The following DOT1L variants were observed in gnomAD, a reference collection of about 807,000 sequenced individuals.
The protein encoded by DOT1L is DOT1 like histone lysine methyltransferase, also known as histone-lysine N-methyltransferase, H3 lysine-79 specific.
DOT1L carries 33 observed loss-of-function variants against 153.3 expected under a neutral mutation model. The observed-to-expected ratio is 0.22, with a 90% CI of 0.16 to 0.29. The LOEUF (loss-of-function observed/expected upper bound fraction) is 0.29. Ranked by LOEUF, DOT1L falls within the 10% of genes least tolerant of loss-of-function variation. The pLI is 1.00. For missense variants in DOT1L, 1,847 were observed against 2,119.9 expected (o/e 0.87, Z 2.53); for synonymous variants, 1,135 against 965.1 (o/e 1.18, Z -3.26).
At position 2,197,244 on chromosome 19, in the gene DOT1L, T is replaced by C. The variant is rs2023061470; in HGVS notation, c.652-2640T>C. Reference sequence around the variant, plus strand: ...CTCTCCTTCCCTTTCTCATGGTGATTGTTCCCAAATGCTGTGCCCACAGTG... The same window carrying C: ...CTCTCCTTCCCTTTCTCATGGTGATCGTTCCCAAATGCTGTGCCCACAGTG... On this transcript the variant is annotated intron_variant, in intron 7 of 27. Transcript: ENST00000398665. The surrounding 1 kb of genome is among the most constrained non-coding windows in gnomAD (Gnocchi z 4.1). 6.6e-6 allele frequency among the ~76,000 whole-genome samples: 1 copy of C among 152,176 alleles called. No individual in the cohort carries two copies. Among genetic ancestry groups the C allele is most frequent in the African/African-American group, 2.4e-5 (1 of 41,430 alleles).
chr19:2,171,097 G>A (rs1568325868), intron 1 of DOT1L, among the ~76,000 whole-genome samples: 2 of 152,162 alleles, frequency 1.3e-5, no homozygotes, highest in Non-Finnish European at 2.9e-5. Flanking sequence ...TGAGTAGCTG[G>A]GATTACAGGC....
chr19:2,194,590 G>A lies in DOT1L; in HGVS notation c.651+13G>A, dbSNP rs753282560. ...TGCAGAATACACAGTGAGTGCCATC[G>A]CTCCGCCCCGGCTCCCATCGCCGGC... On this transcript the variant is annotated intron_variant, in intron 7 of 27. Transcript: ENST00000398665. 1.9e-6 allele frequency: 3 copies of A among 1,609,306 alleles called. No individual in the cohort carries two copies. Among genetic ancestry groups the A allele is most frequent in the African/African-American group, 2.7e-5 (2 of 74,846 alleles).
At chr19:2,164,744 G>A (rs1483258297) in intron 1 of DOT1L, among the ~76,000 whole-genome samples, 2 of 152,174 alleles carry the variant, frequency 1.3e-5, no homozygotes, top group Admixed American at 1.3e-4. Flanking sequence ...CCGACCCTGC[G>A]AAGGTGGGAG....
rs75787570 is a variant in DOT1L at position 2,208,538 on chromosome 19, C to T, written c.964-397C>T. On this transcript the variant is annotated intron_variant, in intron 11 of 27. Transcript: ENST00000398665. This position sits in a 1 kb window ranked among gnomAD's most constrained non-coding sequence, Gnocchi z 4.4. ...GCTTGGCCTACCGTGCGGCCCCCACCTCCACGCAGTGCTGCTGCTTCAGCT... is the reference window on the plus strand; with the variant it reads ...GCTTGGCCTACCGTGCGGCCCCCACTTCCACGCAGTGCTGCTGCTTCAGCT... Among the ~76,000 whole-genome samples the T allele has an allele frequency of 0.035, 5,298 of 152,276 alleles. 290 individuals carry two copies. The highest frequency in any genetic ancestry group is 0.12 in the African/African-American group (4,914 of 41,530).
intron 3 of DOT1L, 63 bp from the exon 4 acceptor site, chr19:2,189,669 C>A: frequency 1.9e-6 from 3 of 1,574,342 alleles, no homozygotes; most frequent in Non-Finnish European, 2.6e-6. Flanking sequence ...CACATGCTGT[C>A]CCCTCCCATG....
intron 9 of DOT1L, among the ~76,000 whole-genome samples, chr19:2,205,120 G>A (rs1382495567): frequency 1.3e-5 from 2 of 151,780 alleles, no homozygotes; most frequent in African/African-American, 4.8e-5. Flanking sequence ...ACAGGCGCCC[G>A]CCACCACACC....
chr19:2,228,508 A>T, intron 27 of DOT1L: 1 of 1,171,656 alleles, frequency 8.5e-7, no homozygotes. Context: ...GGAGAGAGCC[A>T]GGGAGACCAG....
chr19:2,185,519 A>T (rs2022455543), intron 2 of DOT1L, among the ~76,000 whole-genome samples: 1 of 152,210 alleles, frequency 6.6e-6, no homozygotes, highest in Admixed American at 6.5e-5. Flanking sequence ...CTGTCATCCC[A>T]GCACTGTGGG....
chr19:2,201,400 G>A (rs943608526), intron 8 of DOT1L, among the ~76,000 whole-genome samples: 2 of 151,858 alleles, frequency 1.3e-5, no homozygotes, highest in Admixed American at 6.6e-5. Context: ...CATGCCTCTC[G>A]TCCTCCCCGC....
chr19:2,209,535 G>A (rs977267244), intron 12 of DOT1L, among the ~76,000 whole-genome samples: 2 of 152,198 alleles, frequency 1.3e-5, no homozygotes, highest in African/African-American at 4.8e-5. Flanking sequence ...CTGGGCCCCC[G>A]CGCCCTGCAC....
intron 14 of DOT1L, 42 bp from the exon 15 acceptor site, chr19:2,211,057 C>A (rs1450987297): frequency 1.3e-6 from 2 of 1,586,518 alleles, no homozygotes; most frequent in Non-Finnish European, 1.7e-6. Flanking sequence ...CCACCGCTCT[C>A]CCGACCCGCC....
chr19:2,209,285 C>G (rs2023621877), intron 12 of DOT1L, among the ~76,000 whole-genome samples: 2 of 152,214 alleles, frequency 1.3e-5, no homozygotes. Flanking sequence ...CCCACCCTCT[C>G]TCTGTCTCTT....
At position 2,204,271 on chromosome 19, in the gene DOT1L, G is replaced by A. The variant is rs1834966746; in HGVS notation, c.787+1492G>A. Among the ~76,000 whole-genome samples the A allele has an allele frequency of 6.6e-6, 1 of 151,980 alleles. No homozygotes were observed. The highest frequency in any genetic ancestry group is 6.6e-5 in the Admixed American group (1 of 15,252). ...CGTGCCCGTGTGCCTCCGTGTCTATGTATGTGTCTGCTTGTTTGTCTGTGT... is the reference window on the plus strand; with the variant it reads ...CGTGCCCGTGTGCCTCCGTGTCTATATATGTGTCTGCTTGTTTGTCTGTGT... On this transcript the variant is annotated intron_variant, in intron 9 of 27. Transcript: ENST00000398665. This position sits in a 1 kb window ranked among gnomAD's most constrained non-coding sequence, Gnocchi z 5.7.
At chr19:2,218,025 A>C in intron 22 of DOT1L, 107 bp downstream of exon 22, 1 of 1,462,238 alleles carries the variant, frequency 6.8e-7, no homozygotes, top group Non-Finnish European at 9.1e-7. Flanking sequence ...TAAAATGTCG[A>C]GCGTGAGGCA....
At chr19:2,180,822 C>T in intron 2 of DOT1L, 66 bp downstream of exon 2, 5 of 1,587,160 alleles carry the variant, frequency 3.2e-6, no homozygotes, top group Non-Finnish European at 3.4e-6. Context: ...CACCCGTGCC[C>T]TGCAGATTCT....
rs1318623019 is a variant in DOT1L, at chr19:2,204,582, G to A, written c.787+1803G>A. Among the ~76,000 whole-genome samples, 2 of 152,128 alleles carry A rather than the reference G, an allele frequency of 1.3e-5. No individual in the cohort carries two copies. Among genetic ancestry groups the A allele is most frequent in the Non-Finnish European group, 2.9e-5 (2 of 68,014 alleles). ...AGAACGCCTCTTCTGGCTGTTTCTC[G>A]CCAGCTTTCTCTGCACGATCAGACG... is the stretch of plus-strand genomic sequence containing the variant. On this transcript the variant is annotated intron_variant, in intron 9 of 27. Coordinates refer to ENST00000398665, the MANE Select transcript of DOT1L (RefSeq NM_032482.3). This position sits in a 1 kb window ranked among gnomAD's most constrained non-coding sequence, Gnocchi z 5.7.
intron 3 of DOT1L, among the ~76,000 whole-genome samples, chr19:2,189,028 C>T (rs1448025568): frequency 1.3e-5 from 2 of 152,200 alleles, no homozygotes; most frequent in East Asian, 1.9e-4. Context: ...GTTTGCCTTG[C>T]GGCCAGGGCA....
In DOT1L at chr19:2,220,974, G is replaced by C. The variant is rs1487453335; in HGVS notation, c.2806+752G>C. On this transcript the variant is annotated intron_variant, in intron 23 of 27. Transcript: ENST00000398665. This position sits in a 1 kb window ranked among gnomAD's most constrained non-coding sequence, Gnocchi z 4.5. ...GCGGATCACCTGAGGACAGGAGTTT[G>C]AGACCAGCCTGGCCAACATGGTGAA... 1 of 189,472 alleles carries C rather than the reference G, an allele frequency of 5.3e-6. No individual in the cohort carries two copies. Among genetic ancestry groups the C allele is most frequent in the African/African-American group, 2.4e-5 (1 of 42,166 alleles). The allele number at this position is 189,472 out of a possible 1,614,324, so 11.7% of individuals were successfully genotyped here. A position where few individuals can be genotyped will look rare whatever the true frequency, so the allele number is the denominator to read the frequency against.
chr19:2,191,954 G>T lies in DOT1L; in HGVS notation c.493+714G>T, dbSNP rs948138492. On this transcript the variant is annotated intron_variant, in intron 5 of 27. Transcript: ENST00000398665. The surrounding 1 kb of genome is among the most constrained non-coding windows in gnomAD (Gnocchi z 6.8). Reference sequence around the variant, plus strand: ...AAGCACAGATGAGCGGCCCGTACACGAACAGCCTCAGTAGCCTGACGAATT... The same window carrying T: ...AAGCACAGATGAGCGGCCCGTACACTAACAGCCTCAGTAGCCTGACGAATT... 6.6e-6 allele frequency among the ~76,000 whole-genome samples: 1 copy of T among 152,156 alleles called. No individual in the cohort carries two copies. Among genetic ancestry groups the T allele is most frequent in the Admixed American group, 6.5e-5 (1 of 15,280 alleles).
Sources: allele counts gnomAD v4.1 joint callset (sites outside exome capture counted in the v4.1 genomes callset), GRCh38; gene constraint gnomAD v4.1.1; non-coding constraint Gnocchi (gnomAD v3.1); transcripts MANE v1.5; gene names NCBI Gene and HGNC (gene_info 2026-07-23, HGNC 2026-07-21).